INPP5F: variants seen among roughly 807,000 people sequenced by gnomAD.
The protein encoded by INPP5F is phosphatidylinositide 4-phosphatase SAC2.
A neutral mutation model predicts 137.2 loss-of-function variants in INPP5F; 97 were observed. The observed-to-expected ratio is 0.71, with a 90% CI of 0.60 to 0.84. INPP5F has a LOEUF of 0.84. INPP5F is among the 40% of genes least tolerant of loss of function. The pLI is 0.00. For missense variants in INPP5F, 1,271 were observed against 1,371.9 expected, an observed-to-expected ratio of 0.93 and a Z score of 1.16; for synonymous variants, 504 against 476.9, an observed-to-expected ratio of 1.06 and a Z score of -0.74.
intron 15 of INPP5F, chr10:119,819,347 C>A: frequency 8.5e-7 from 1 of 1,179,538 alleles, no homozygotes; most frequent in Non-Finnish European, 1.1e-6. Flanking sequence ...CTGCCTGTTA[C>A]GTGCCAAGTG....
In INPP5F at chr10:119,822,468, C is replaced by G; in HGVS notation, c.1996C>G (p.Arg666Gly). ...AGTTGATAAAGTAAACCAGTATCAA[C>G]GACTAAGTCTAGAAAACCTGGAAAA... ...DEVDKVNQYQ[R>G]LSLENLEKIE... is the part of the protein sequence containing the mutation. The change falls in exon 17 of 20, where the codon CGA becomes GGA. Residue 666 changes from arginine (R) to glycine (G), a missense_variant. Physicochemically the swap from Arg to Gly is moderately radical, Grantham distance 125. Around this residue, in one of 6 missense-constraint regions of INPP5F, gnomAD observed 593 missense variants for 712.4 expected, o/e 0.83. Transcript: ENST00000650623. The G allele has an allele frequency of 2.0e-6, 3 of 1,533,620 alleles. No homozygotes were observed. Among genetic ancestry groups the G allele is most frequent in the Non-Finnish European group, 1.8e-6 (2 of 1,119,306 alleles).
intron 15 of INPP5F, among the ~76,000 whole-genome samples, chr10:119,815,023 G>A (rs12269193): frequency 0.16 from 24,180 of 151,888 alleles, 2,203 homozygotes; most frequent in Non-Finnish European, 0.21. Context: ...CTGACACCAC[G>A]CCCGGCTAAT....
In INPP5F at chr10:119,823,722, G is replaced by A. The variant is rs559676568; in HGVS notation, c.2162-93G>A. 3.4e-5 allele frequency: 29 copies of A among 858,786 alleles called. No homozygotes were observed. In the African/African-American group the frequency reaches 3.8e-4, roughly 11 times the overall value. 53.2% of individuals were successfully genotyped at this position (858,786 alleles called of 1,614,324 possible). On this transcript the variant is annotated intron_variant, in intron 18 of 19. Transcript: ENST00000650623. ...ATAAATTTGTATTTAATTATACGAC[G>A]ACAAATTTCATTCAGCGCTAAATGG...
At chr10:119,794,658 C>CA (rs1293722749) in intron 6 of INPP5F, among the ~76,000 whole-genome samples, 1 of 149,966 alleles carries the variant, frequency 6.7e-6, no homozygotes, top group Non-Finnish European at 1.5e-5. Context: ...GCTGACCCCC[C>CA]ACCTCCCTCC....
At chr10:119,785,575 A>AGAGAGAGAGAGAGAGAGAGAGAGG (rs1435677238) in intron 3 of INPP5F, among the ~76,000 whole-genome samples, 1 of 150,450 alleles carries the variant, frequency 6.6e-6, no homozygotes, top group Admixed American at 6.7e-5. Flanking sequence ...AGAGAGAGAG[A>AGAGAGAGAGAGAGAGAGAGAGAGG]GAGACTGAGA....
intron 13 of INPP5F, 132 bp downstream of exon 13, chr10:119,808,192 CTAA>C: frequency 9.1e-7 from 1 of 1,103,948 alleles, no homozygotes; most frequent in Non-Finnish European, 1.3e-6. Flanking sequence ...AAATGGTTGG[CTAA>C]GGCAGGGCCA....
At chr10:119,819,352 C>A in intron 15 of INPP5F, 1 of 1,237,044 alleles carries the variant, frequency 8.1e-7, no homozygotes, top group Non-Finnish European at 1.0e-6. Flanking sequence ...TGTTACGTGC[C>A]AAGTGCTTTT....
chr10:119,761,911 C>A (rs747735961), intron 2 of INPP5F, among the ~76,000 whole-genome samples: 3 of 152,118 alleles, frequency 2.0e-5, no homozygotes, highest in Non-Finnish European at 4.4e-5. Flanking sequence ...TTTCTCTTAG[C>A]ATGTTAATAT....
In INPP5F at chr10:119,827,945, C is replaced by T; in HGVS notation, c.*165C>T. 1.7e-6 allele frequency: 1 copy of T among 588,962 alleles called. No homozygotes were observed. The highest frequency in any genetic ancestry group is 3.0e-6 in the Non-Finnish European group (1 of 336,500). The allele number at this position is 588,962 out of a possible 1,614,324, so 36.5% of individuals were successfully genotyped here. ...CTGAGTAGATTTCCAAATTTTACAG[C>T]CAGGACTACAGAAGTGCATCATTCT... On this transcript the variant is annotated 3_prime_UTR_variant, in exon 20 of 20. Transcript: ENST00000650623.
intron 1 of INPP5F, among the ~76,000 whole-genome samples, chr10:119,734,971 T>G (rs1439370743): frequency 6.6e-6 from 1 of 152,236 alleles, no homozygotes; most frequent in East Asian, 1.9e-4. Context: ...TTTAACAACA[T>G]AGGGAACTAA....
At chr10:119,784,118 A>G (rs1849797003) in intron 3 of INPP5F, among the ~76,000 whole-genome samples, 1 of 152,248 alleles carries the variant, frequency 6.6e-6, no homozygotes, top group South Asian at 2.1e-4. Context: ...ATCTTTTAAC[A>G]TGTTAATTTA....
chr10:119,743,425 A>G (rs1413098182), intron 1 of INPP5F, among the ~76,000 whole-genome samples: 1 of 152,196 alleles, frequency 6.6e-6, no homozygotes, highest in East Asian at 1.9e-4. Context: ...ACATGCACTA[A>G]ACCAAAGTAA....
chr10:119,775,265 T>C (rs1849485151), intron 2 of INPP5F, among the ~76,000 whole-genome samples: 1 of 152,160 alleles, frequency 6.6e-6, no homozygotes, highest in Non-Finnish European at 1.5e-5. Flanking sequence ...AATTCTTTTT[T>C]CTTTTTTTGA....
chr10:119,804,109 A>C (rs1042757032), intron 9 of INPP5F, 64 bp from the exon 10 acceptor site: 1 of 1,212,712 alleles, frequency 8.2e-7, no homozygotes, highest in African/African-American at 1.5e-5. Context: ...CATCTAATTA[A>C]ATTTTAAACC....
At chr10:119,734,511 A>T (rs202085608) in intron 1 of INPP5F, among the ~76,000 whole-genome samples, 20 of 152,152 alleles carry the variant, frequency 1.3e-4, no homozygotes, top group East Asian at 9.7e-4. Context: ...TCTTTTTTTT[A>T]AATAATAGAG....
chr10:119,747,883 CTA>C lies in INPP5F; in HGVS notation c.98-3191_98-3190del, dbSNP rs1349162555. On this transcript the variant is annotated intron_variant, in intron 1 of 19. Coordinates refer to ENST00000650623, the MANE Select transcript of INPP5F (RefSeq NM_014937.4). ...AAATACTCATGAAATTTTAGAAAAA[CTA>C]TGTTAGAAATGTTAGAAAAAATTAC... 3.3e-5 allele frequency among the ~76,000 whole-genome samples: 5 copies of C among 152,180 alleles called. No homozygotes were observed. In the East Asian group the frequency reaches 9.6e-4, roughly 29 times the overall value.
chr10:119,826,837 A>G lies in INPP5F; in HGVS notation c.2456A>G (p.Asn819Ser), dbSNP rs1851779141. Residue 819 changes from asparagine (N) to serine (S), a missense_variant, in exon 20 of 20, where the codon AAC (asparagine) becomes AGC (serine). Coordinates refer to ENST00000650623, the MANE Select transcript of INPP5F (RefSeq NM_014937.4). ...PEMKVNFLKPNLKVNLWKSDS... is the reference protein window; with the variant it reads ...PEMKVNFLKPSLKVNLWKSDS... ...ATGAAAGTTAACTTTCTAAAACCAA[A>G]CTTAAAAGTAAATCTTTGGAAATCA... 6.2e-7 allele frequency: 1 copy of G among 1,613,434 alleles called. No individual in the cohort carries two copies. The highest frequency in any genetic ancestry group is 1.3e-5 in the African/African-American group (1 of 74,828).
In INPP5F at chr10:119,792,037, G is replaced by T; in HGVS notation, c.612+1G>T. 6.2e-7 allele frequency: 1 copy of T among 1,614,186 alleles called. No individual in the cohort carries two copies. Among genetic ancestry groups the T allele is most frequent in the Non-Finnish European group, 8.5e-7 (1 of 1,180,028 alleles). ...GGACGGTCGGCCCCTCTGGCAGAAG[G>T]TACCACTCACAGCTCGTAGAGCAGG... On this transcript the variant is annotated splice_donor_variant, in intron 5 of 19. Coordinates refer to ENST00000650623, the MANE Select transcript of INPP5F (RefSeq NM_014937.4). LOFTEE classifies it high-confidence loss of function.
chr10:119,727,401 G>A (rs1383518688), intron 1 of INPP5F, among the ~76,000 whole-genome samples: 1 of 152,192 alleles, frequency 6.6e-6, no homozygotes, highest in African/African-American at 2.4e-5. Context: ...TTAAGGACAG[G>A]CCCTTTAACA....
Sources: gnomAD v4.1 joint callset for allele counts (sites outside exome capture counted in the v4.1 genomes callset) on GRCh38, gnomAD v4.1.1 for gene constraint, gnomAD v4.1.1 regional missense constraint, MANE v1.5 for transcripts, NCBI Gene and HGNC (gene_info 2026-07-23, HGNC 2026-07-21) for gene names.